SYNDIG1: variants seen among roughly 807,000 people sequenced by gnomAD.
The protein encoded by SYNDIG1 is synapse differentiation inducing 1.
In SYNDIG1, 9 loss-of-function variants were observed where a neutral mutation model predicts 19.4. That is an observed-to-expected ratio of 0.46 (90% CI 0.28 to 0.81). The LOEUF is 0.81. SYNDIG1 is among the 30% of genes least tolerant of loss of function. The probability of loss-of-function intolerance (pLI) is 0.12; values close to 1 mark genes in which losing one functional copy is unlikely to be tolerated. For missense variants in SYNDIG1, 311 were observed against 343.3 expected (o/e 0.91, Z 0.74); for synonymous variants, 141 against 145.9 (o/e 0.97, Z 0.24).
chr20:24,621,893 A>G (rs1410516740), intron 3 of SYNDIG1, among the ~76,000 whole-genome samples: 4 of 152,222 alleles, frequency 2.6e-5, no homozygotes, highest in African/African-American at 9.6e-5. Flanking sequence ...TACACCAAAC[A>G]TTGAATACAC....
At chr20:24,655,321 G>A (rs1195766480) in intron 3 of SYNDIG1, among the ~76,000 whole-genome samples, 1 of 152,218 alleles carries the variant, frequency 6.6e-6, no homozygotes, top group Admixed American at 6.5e-5. Flanking sequence ...ACTTGGCTTA[G>A]CAGTGAACAC....
chr20:24,498,778 G>A (rs976190522), intron 1 of SYNDIG1, among the ~76,000 whole-genome samples: 27 of 152,292 alleles, frequency 1.8e-4, no homozygotes, highest in South Asian at 8.3e-4. Flanking sequence ...CCAGTGTTCC[G>A]TGGCATGTAC....
chr20:24,531,100 G>T (rs1039702710), intron 1 of SYNDIG1, among the ~76,000 whole-genome samples: 1 of 152,160 alleles, frequency 6.6e-6, no homozygotes, highest in Non-Finnish European at 1.5e-5. Context: ...GTGAGCCACC[G>T]TGCCTGGCCT....
At chr20:24,573,912 C>T (rs1399536919) in intron 2 of SYNDIG1, among the ~76,000 whole-genome samples, 1 of 152,180 alleles carries the variant, frequency 6.6e-6, no homozygotes, top group Non-Finnish European at 1.5e-5. Flanking sequence ...TTACCCTTGC[C>T]TGAGACACCC....
chr20:24,568,210 C>T (rs528091255), intron 2 of SYNDIG1, among the ~76,000 whole-genome samples: 1 of 152,156 alleles, frequency 6.6e-6, no homozygotes, highest in South Asian at 2.1e-4. Flanking sequence ...AAGTAGGGGA[C>T]ATCGTTGCAC....
At chr20:24,552,424 A>T (rs2057722996) in intron 2 of SYNDIG1, among the ~76,000 whole-genome samples, 1 of 152,148 alleles carries the variant, frequency 6.6e-6, no homozygotes. Flanking sequence ...GTCATTTAGC[A>T]TTAGGTATAT....
chr20:24,632,634 T>C (rs562980061), intron 3 of SYNDIG1, among the ~76,000 whole-genome samples: 3 of 152,304 alleles, frequency 2.0e-5, no homozygotes, highest in South Asian at 4.1e-4. Context: ...CCCAGGACCA[T>C]AGGGGTCCCT....
At chr20:24,526,697 T>G (rs1005799429) in intron 1 of SYNDIG1, among the ~76,000 whole-genome samples, 2 of 152,234 alleles carry the variant, frequency 1.3e-5, no homozygotes, top group African/African-American at 4.8e-5. Flanking sequence ...GCATTATTTT[T>G]CTTCTTCCTA....
chr20:24,588,192 A>G (rs1008117755), intron 3 of SYNDIG1, among the ~76,000 whole-genome samples: 3 of 152,190 alleles, frequency 2.0e-5, no homozygotes, highest in Admixed American at 6.5e-5. Flanking sequence ...AAGGCCAGTG[A>G]AAGTTCCCAG....
At chr20:24,520,684 ACT>A (rs1310922313) in intron 1 of SYNDIG1, among the ~76,000 whole-genome samples, 2 of 112,506 alleles carry the variant, frequency 1.8e-5, no homozygotes, top group African/African-American at 7.1e-5. Context: ...CAAGAGAGAA[ACT>A]CTGTCTCAAA....
intron 3 of SYNDIG1, among the ~76,000 whole-genome samples, chr20:24,654,650 GAGGAAGGAAGGAAGGAAGGA>G (rs572001347): frequency 1.3e-4 from 15 of 117,352 alleles, no homozygotes; most frequent in Non-Finnish European, 2.2e-4. Context: ...GGGAGGGAGG[GAGGAAGGAAGGAAGGAAGGA>G]AGGAAGGAAG....
At chr20:24,474,565 T>C (rs1199508401) in intron 1 of SYNDIG1, among the ~76,000 whole-genome samples, 1 of 152,268 alleles carries the variant, frequency 6.6e-6, no homozygotes, top group Non-Finnish European at 1.5e-5. Flanking sequence ...AGATGGGCCT[T>C]GCAATCCGTG....
At chr20:24,510,604 CTGTT>C (rs1484306165) in intron 1 of SYNDIG1, among the ~76,000 whole-genome samples, 4 of 150,582 alleles carry the variant, frequency 2.7e-5, no homozygotes, top group Middle Eastern at 3.5e-3. Context: ...ATATTTTTCT[CTGTT>C]TGAGATCATA....
At chr20:24,484,065 G>A (rs1054344099) in intron 1 of SYNDIG1, among the ~76,000 whole-genome samples, 1 of 152,164 alleles carries the variant, frequency 6.6e-6, no homozygotes, top group Admixed American at 6.5e-5. Flanking sequence ...TGCATCAGTG[G>A]TGTTTACTGA....
chr20:24,604,839 T>C (rs1363788936), intron 3 of SYNDIG1, among the ~76,000 whole-genome samples: 1 of 152,166 alleles, frequency 6.6e-6, no homozygotes, highest in Non-Finnish European at 1.5e-5. Flanking sequence ...GAGGTCTGGA[T>C]CGGGACTCCT....
At chr20:24,654,579 G>A (rs2059503762) in intron 3 of SYNDIG1, among the ~76,000 whole-genome samples, 1 of 148,634 alleles carries the variant, frequency 6.7e-6, no homozygotes, top group Non-Finnish European at 1.5e-5. Context: ...AAGCAAGCAA[G>A]AGAAAGGAAG....
In SYNDIG1 at chr20:24,494,265, T is replaced by C. The variant is rs540009974; in HGVS notation, c.-79+24512T>C. ...AGGGAAGATAGTGAAGGATGGAGGATTGAGCGCACAGTGTCAGGGAAGCTG... is the reference window on the plus strand; with the variant it reads ...AGGGAAGATAGTGAAGGATGGAGGACTGAGCGCACAGTGTCAGGGAAGCTG... On this transcript the variant is annotated intron_variant, in intron 1 of 3. Coordinates refer to ENST00000376862, the MANE Select transcript of SYNDIG1 (RefSeq NM_024893.3). Among the ~76,000 whole-genome samples the C allele has an allele frequency of 7.9e-4, 120 of 152,126 alleles. 1 individual carries two copies. Among genetic ancestry groups the C allele is most frequent in the Admixed American group, 6.4e-3 (98 of 15,292 alleles).
At chr20:24,576,442 G>T (rs1016835700) in intron 2 of SYNDIG1, among the ~76,000 whole-genome samples, 4 of 152,184 alleles carry the variant, frequency 2.6e-5, no homozygotes, top group African/African-American at 9.7e-5. Flanking sequence ...CGTTTCTGCT[G>T]TACCTGCTTT....
At chr20:24,626,413 C>T (rs1023562443) in intron 3 of SYNDIG1, among the ~76,000 whole-genome samples, 2 of 147,356 alleles carry the variant, frequency 1.4e-5, no homozygotes, top group Non-Finnish European at 3.0e-5. Context: ...GTGGCCGGGC[C>T]GAGGCGCTCC....
Sources: gnomAD v4.1 joint callset for allele counts (sites outside exome capture counted in the v4.1 genomes callset) on GRCh38, gnomAD v4.1.1 for gene constraint, MANE v1.5 for transcripts, NCBI Gene and HGNC (gene_info 2026-07-23, HGNC 2026-07-21) for gene names.